The following TMEM117 variants were observed in gnomAD, a reference collection of about 807,000 sequenced individuals.
TMEM117 encodes the protein transmembrane protein 117.
A neutral mutation model predicts 52.4 loss-of-function variants in TMEM117; 27 were observed. The ratio of observed to expected loss-of-function variants is 0.51; its 90% CI spans 0.38 to 0.71. TMEM117 has a LOEUF of 0.71. Ranked by LOEUF, TMEM117 falls within the 30% of genes least tolerant of loss-of-function variation. The pLI is 0.00. For missense variants in TMEM117, 556 were observed against 630.5 expected, an observed-to-expected ratio of 0.88 and a Z score of 1.26; for synonymous variants, 215 against 206.3, an observed-to-expected ratio of 1.04 and a Z score of -0.36.
chr12:44,265,801 T>C (rs1263886594), intron 5 of TMEM117, among the ~76,000 whole-genome samples: 1 of 152,192 alleles, frequency 6.6e-6, no homozygotes, highest in Non-Finnish European at 1.5e-5. Flanking sequence ...CTGTGTTCTC[T>C]CTTTATTTAT....
chr12:43,946,393 TTGTTTG>T (rs1181656867), intron 3 of TMEM117, among the ~76,000 whole-genome samples: 12 of 11,792 alleles, frequency 1.0e-3, no homozygotes, highest in African/African-American at 1.9e-3. Context: ...TTTTTTTTTT[TTGTTTG>T]TTTTTTTATC....
intron 6 of TMEM117, among the ~76,000 whole-genome samples, chr12:44,361,823 A>G (rs999117314): frequency 1.3e-5 from 2 of 152,164 alleles, no homozygotes; most frequent in African/African-American, 4.8e-5. Context: ...TAGGGGAGTG[A>G]TAGATAGGCA....
chr12:44,294,183 G>A (rs1268643462), intron 5 of TMEM117, among the ~76,000 whole-genome samples: 1 of 151,966 alleles, frequency 6.6e-6, no homozygotes, highest in Non-Finnish European at 1.5e-5. Context: ...TTTTATCAGG[G>A]TACCCTTCTT....
At chr12:43,900,825 CAGAG>C (rs148460114) in intron 2 of TMEM117, among the ~76,000 whole-genome samples, 2 of 149,292 alleles carry the variant, frequency 1.3e-5, no homozygotes, top group Non-Finnish European at 3.0e-5. Flanking sequence ...AACTACAGAA[CAGAG>C]AGAGAGAGAG....
In TMEM117 at chr12:44,389,064, A is replaced by AATGT; in HGVS notation, c.*392_*393insATGT. 2 of 161,302 alleles carry AATGT rather than the reference A, an allele frequency of 1.2e-5. No individual in the cohort carries two copies. The highest frequency in any genetic ancestry group is 5.9e-5 in the Admixed American group (1 of 16,972). 10.0% of individuals were successfully genotyped at this position (161,302 alleles called of 1,614,324 possible). ...AACCTATTTCACATGGGCGTTTTGT[A>AATGT]TACAACTATTTTGATCTACACTTGA... On this transcript the variant is annotated 3_prime_UTR_variant, in exon 8 of 8. Coordinates refer to ENST00000266534, the MANE Select transcript of TMEM117 (RefSeq NM_032256.3).
intron 5 of TMEM117, among the ~76,000 whole-genome samples, chr12:44,272,831 G>A (rs1199351696): frequency 6.6e-6 from 1 of 152,132 alleles, no homozygotes; most frequent in African/African-American, 2.4e-5. Context: ...CAGGGATCTA[G>A]AACTAGAAAT....
intron 4 of TMEM117, among the ~76,000 whole-genome samples, chr12:44,157,646 G>A (rs987695324): frequency 6.6e-6 from 1 of 151,974 alleles, no homozygotes; most frequent in Non-Finnish European, 1.5e-5. Flanking sequence ...TTAGTGTTAT[G>A]TCATTTTACA....
At chr12:44,150,036 T>C (rs1392556662) in intron 4 of TMEM117, among the ~76,000 whole-genome samples, 1 of 152,208 alleles carries the variant, frequency 6.6e-6, no homozygotes, top group Non-Finnish European at 1.5e-5. Context: ...TCTGGGTCTT[T>C]CTCTTTTGCT....
chr12:43,923,251 A>G (rs1944725348), intron 2 of TMEM117, among the ~76,000 whole-genome samples: 1 of 152,220 alleles, frequency 6.6e-6, no homozygotes, highest in Non-Finnish European at 1.5e-5. Flanking sequence ...TGTGTAATCT[A>G]GTTGGTAGAA....
intron 4 of TMEM117, among the ~76,000 whole-genome samples, chr12:44,151,248 T>C (rs1414115794): frequency 1.3e-5 from 2 of 152,118 alleles, no homozygotes; most frequent in African/African-American, 4.8e-5. Flanking sequence ...TTATTTCTAT[T>C]ACTTAGTTTA....
chr12:44,247,644 T>C (rs960243215), intron 5 of TMEM117, among the ~76,000 whole-genome samples: 5 of 152,224 alleles, frequency 3.3e-5, no homozygotes, highest in Non-Finnish European at 5.9e-5. Context: ...GGCAAACAGA[T>C]GTATGAAACC....
At chr12:44,309,549 G>A (rs944544358) in intron 6 of TMEM117, among the ~76,000 whole-genome samples, 1 of 152,152 alleles carries the variant, frequency 6.6e-6, no homozygotes, top group African/African-American at 2.4e-5. Flanking sequence ...AAAGACAGGA[G>A]TTGAGGGAGG....
At chr12:44,134,921 G>C (rs1413804312) in intron 3 of TMEM117, among the ~76,000 whole-genome samples, 1 of 152,060 alleles carries the variant, frequency 6.6e-6, no homozygotes, top group African/African-American at 2.4e-5. Context: ...GTGCTGGTAT[G>C]CATGTCCCAG....
the TMEM117 span, among the ~76,000 whole-genome samples, chr12:43,815,993 A>G: frequency 6.6e-6 from 1 of 152,150 alleles, no homozygotes; most frequent in African/African-American, 2.4e-5. Flanking sequence ...TAAAACATCC[A>G]TTTGTTTGCA....
chr12:44,312,885 T>TG (rs1243199900), intron 6 of TMEM117, among the ~76,000 whole-genome samples: 1 of 152,236 alleles, frequency 6.6e-6, no homozygotes, highest in Admixed American at 6.5e-5. Context: ...TTCATAAGCT[T>TG]GTTAGCTCCT....
intron 4 of TMEM117, among the ~76,000 whole-genome samples, chr12:44,182,311 T>A (rs1054132041): frequency 4.6e-5 from 7 of 152,170 alleles, no homozygotes; most frequent in Admixed American, 2.6e-4. Context: ...CAGGGACAAT[T>A]TGACTTCCTC....
intron 5 of TMEM117, among the ~76,000 whole-genome samples, chr12:44,299,278 A>C (rs569492791): frequency 6.6e-6 from 1 of 151,878 alleles, no homozygotes; most frequent in East Asian, 1.9e-4. Context: ...CTACAGGCGC[A>C]CACCACTGCG....
At chr12:44,129,342 C>G (rs1230018030) in intron 3 of TMEM117, among the ~76,000 whole-genome samples, 3 of 152,158 alleles carry the variant, frequency 2.0e-5, no homozygotes, top group Non-Finnish European at 1.5e-5. Context: ...CTGGGCCTGT[C>G]AGGTCTTTCA....
At chr12:44,226,728 C>T (rs559065810) in intron 5 of TMEM117, among the ~76,000 whole-genome samples, 1 of 151,994 alleles carries the variant, frequency 6.6e-6, no homozygotes, top group Non-Finnish European at 1.5e-5. Context: ...CAGACACACA[C>T]AGAGTGTAGA....
Sources: allele counts gnomAD v4.1 joint callset (sites outside exome capture counted in the v4.1 genomes callset), GRCh38; gene constraint gnomAD v4.1.1; transcripts MANE v1.5; gene names NCBI Gene and HGNC (gene_info 2026-07-23, HGNC 2026-07-21).